The following POU6F2 variants were observed in gnomAD, a reference collection of about 807,000 sequenced individuals.
The protein encoded by POU6F2 is POU domain, class 6, transcription factor 2.
A neutral mutation model predicts 71.3 loss-of-function variants in POU6F2; 31 were observed. The observed-to-expected ratio is 0.43, with a 90% CI of 0.33 to 0.59. The LOEUF (loss-of-function observed/expected upper bound fraction) is 0.59, where lower values mean the gene tolerates loss of function less well. POU6F2 is among the 20% of genes least tolerant of loss of function. The pLI is 0.04. For synonymous variants in POU6F2, 347 were observed against 355.7 expected (o/e 0.98, Z 0.27); for missense variants, 783 against 856.8 (o/e 0.91, Z 1.07).
rs1424494043 is a variant in POU6F2, at chr7:39,008,471, T to C, written c.105+30413T>C. Among the ~76,000 whole-genome samples the C allele has an allele frequency of 6.0e-5, 9 of 150,752 alleles. No individual in the cohort carries two copies. In the East Asian group the frequency reaches 1.8e-3, roughly 29 times the overall value. ...CGAAAATTTTCTCCCATTTTGTAGG[T>C]TGCCTGTTCACTCTGATGGTAGTTT... is the stretch of plus-strand genomic sequence containing the variant. On this transcript the variant is annotated intron_variant, in intron 1 of 9. Transcript: ENST00000518318.
intron 4 of POU6F2, among the ~76,000 whole-genome samples, chr7:39,226,953 A>C (rs1179498526): frequency 6.6e-6 from 1 of 152,246 alleles, no homozygotes; most frequent in East Asian, 1.9e-4. Context: ...ACAGATGGTC[A>C]CGACTTTTTG....
At chr7:39,312,190 A>T (rs201956519) in intron 4 of POU6F2, among the ~76,000 whole-genome samples, 1 of 5,002 alleles carries the variant, frequency 2.0e-4, no homozygotes, top group Non-Finnish European at 5.3e-4. Flanking sequence ...TAGAAAAAAG[A>T]AAAAAAAAAC....
intron 2 of POU6F2, among the ~76,000 whole-genome samples, chr7:39,200,676 G>C (rs1793879603): frequency 6.6e-6 from 1 of 151,946 alleles, no homozygotes; most frequent in African/African-American, 2.4e-5. Flanking sequence ...CTTGGGGCAG[G>C]TCACTATTAT....
At chr7:39,307,910 G>A (rs748919910) in intron 4 of POU6F2, among the ~76,000 whole-genome samples, 154 of 151,604 alleles carry the variant, frequency 1.0e-3, no homozygotes, top group Non-Finnish European at 1.5e-3. Flanking sequence ...AGCAGAGATC[G>A]CGCCACTGCA....
intron 1 of POU6F2, among the ~76,000 whole-genome samples, chr7:38,988,415 C>A (rs1788513447): frequency 6.6e-6 from 1 of 151,978 alleles, no homozygotes; most frequent in African/African-American, 2.4e-5. Context: ...CCCCTCCTGC[C>A]CCCCGCCAAT....
chr7:39,159,292 C>A (rs184842496), intron 2 of POU6F2, among the ~76,000 whole-genome samples: 147 of 152,294 alleles, frequency 9.7e-4, no homozygotes, highest in Admixed American at 2.6e-3. Context: ...CTTTCATTGG[C>A]AGTTTATAAT....
intron 4 of POU6F2, among the ~76,000 whole-genome samples, chr7:39,231,356 A>G (rs1794570476): frequency 6.6e-6 from 1 of 152,170 alleles, no homozygotes; most frequent in African/African-American, 2.4e-5. Flanking sequence ...CTTCCAGGAA[A>G]ACAGCAATGA....
chr7:39,158,864 T>C (rs1004755976), intron 2 of POU6F2, among the ~76,000 whole-genome samples: 1 of 152,110 alleles, frequency 6.6e-6, no homozygotes, highest in Non-Finnish European at 1.5e-5. Flanking sequence ...TCTAGCCAAG[T>C]TGACATCAAA....
At chr7:39,054,126 G>A (rs183237548) in intron 1 of POU6F2, among the ~76,000 whole-genome samples, 1 of 151,830 alleles carries the variant, frequency 6.6e-6, no homozygotes, top group Admixed American at 6.6e-5. Context: ...AAAGAAAAAA[G>A]AAATTTAAAA....
intron 1 of POU6F2, among the ~76,000 whole-genome samples, chr7:39,079,066 T>C (rs1322945631): frequency 2.0e-5 from 3 of 152,116 alleles, no homozygotes; most frequent in African/African-American, 7.2e-5. Flanking sequence ...GTTAGATACC[T>C]TAATGTGGGA....
At chr7:39,150,453 C>T (rs1290660835) in intron 2 of POU6F2, among the ~76,000 whole-genome samples, 1 of 149,214 alleles carries the variant, frequency 6.7e-6, no homozygotes, top group Admixed American at 6.8e-5. Context: ...AACAGCTGTA[C>T]CAAGCTACAT....
intron 1 of POU6F2, among the ~76,000 whole-genome samples, chr7:39,071,907 T>C (rs62442188): frequency 0.1 from 15,851 of 152,188 alleles, 926 homozygotes; most frequent in Middle Eastern, 0.16. Flanking sequence ...AGATGATTTC[T>C]TGCTGATTTA....
intron 2 of POU6F2, among the ~76,000 whole-genome samples, chr7:39,191,959 C>G (rs181665450): frequency 6.6e-6 from 1 of 152,132 alleles, no homozygotes; most frequent in Admixed American, 6.5e-5. Flanking sequence ...CTTGATGAGA[C>G]ATTAATTTGA....
chr7:39,395,570 C>T (rs1385739742), intron 5 of POU6F2, among the ~76,000 whole-genome samples: 1 of 152,156 alleles, frequency 6.6e-6, no homozygotes, highest in African/African-American at 2.4e-5. Flanking sequence ...GCATGAGGCT[C>T]TTGTCTTGTC....
At chr7:39,172,903 G>A (rs1223669687) in intron 2 of POU6F2, among the ~76,000 whole-genome samples, 7 of 151,464 alleles carry the variant, frequency 4.6e-5, no homozygotes, top group Non-Finnish European at 8.8e-5. Context: ...CATTACAGGC[G>A]TGTGCCATCG....
At chr7:39,001,705 G>A (rs185935820) in intron 1 of POU6F2, among the ~76,000 whole-genome samples, 60 of 151,752 alleles carry the variant, frequency 4.0e-4, no homozygotes, top group African/African-American at 1.4e-3. Context: ...TGTTGATGGT[G>A]ATGTGATGAT....
In POU6F2 at chr7:39,465,251, T is replaced by G. The variant is rs1789044633; in HGVS notation, c.*565T>G. ...TGGCATTGCAACGCGATCGTTCGTC[T>G]ACGCTTCTCCGCACGTAAAGTTGTG... On this transcript the variant is annotated 3_prime_UTR_variant, in exon 10 of 10. Transcript: ENST00000518318. 1 of 152,718 alleles carries G rather than the reference T, an allele frequency of 6.5e-6. No individual in the cohort carries two copies. The highest frequency in any genetic ancestry group is 2.1e-4 in the South Asian group (1 of 4,856). 9.5% of individuals were successfully genotyped at this position (152,718 alleles called of 1,614,324 possible). A position where few individuals can be genotyped will look rare whatever the true frequency, so the allele number is the denominator to read the frequency against.
chr7:39,098,108 A>G (rs1490991030), intron 2 of POU6F2, among the ~76,000 whole-genome samples: 1 of 152,094 alleles, frequency 6.6e-6, no homozygotes, highest in African/African-American at 2.4e-5. Context: ...CAAAAGGAGG[A>G]TGAATTAGAT....
chr7:39,278,531 A>G (rs4723836), intron 4 of POU6F2, among the ~76,000 whole-genome samples: 73,991 of 151,988 alleles, frequency 0.49, 19,389 homozygotes, highest in East Asian at 0.69. Flanking sequence ...AACAAAGGGT[A>G]TTGAGTAGAT....
Sources: allele counts gnomAD v4.1 joint callset (sites outside exome capture counted in the v4.1 genomes callset), GRCh38; gene constraint gnomAD v4.1.1; transcripts MANE v1.5; gene names NCBI Gene and HGNC (gene_info 2026-07-23, HGNC 2026-07-21).